Variants in AGPAT5 observed in about 807,000 individuals in gnomAD.
The protein encoded by AGPAT5 is 1-acylglycerol-3-phosphate O-acyltransferase 5.
Under a neutral mutation model 45.6 loss-of-function variants are expected in AGPAT5, and 46 were observed. The ratio of observed to expected loss-of-function variants is 1.01; its 90% CI spans 0.80 to 1.29. The LOEUF (loss-of-function observed/expected upper bound fraction) is 1.29, where lower values mean the gene tolerates loss of function less well. Among genes scored for constraint, AGPAT5 ranks in the 50% most tolerant of loss-of-function variants. AGPAT5 has a pLI of 0.00. For missense variants in AGPAT5, 673 were observed against 450.7 expected, an observed-to-expected ratio of 1.49 and a Z score of -4.47; for synonymous variants, 272 against 167.0, an observed-to-expected ratio of 1.63 and a Z score of -4.85.
At chr8:6,747,849 G>A in intron 6 of AGPAT5, 21 bp downstream of exon 6, 1 of 1,612,752 alleles carries the variant, frequency 6.2e-7, no homozygotes, top group Non-Finnish European at 8.5e-7. Context: ...TCACGCACCT[G>A]AAATGCCTGT....
At chr8:6,737,895 A>C (rs1018942251) in intron 4 of AGPAT5, among the ~76,000 whole-genome samples, 1 of 152,176 alleles carries the variant, frequency 6.6e-6, no homozygotes, top group African/African-American at 2.4e-5. Flanking sequence ...GCTAGCTTCT[A>C]AGTTTTTTCC....
At chr8:6,711,991 C>T (rs1241540189) in intron 1 of AGPAT5, among the ~76,000 whole-genome samples, 2 of 152,194 alleles carry the variant, frequency 1.3e-5, no homozygotes, top group African/African-American at 4.8e-5. Flanking sequence ...TTCACAGGTT[C>T]CAGGGCTTAG....
chr8:6,719,410 T>C (rs995445662), intron 1 of AGPAT5, among the ~76,000 whole-genome samples: 1 of 152,322 alleles, frequency 6.6e-6, no homozygotes, highest in Non-Finnish European at 1.5e-5. Flanking sequence ...ATTCAATATC[T>C]GATGAAAAGA....
chr8:6,726,891 G>A (rs1357250784), intron 2 of AGPAT5, among the ~76,000 whole-genome samples: 2 of 152,146 alleles, frequency 1.3e-5, no homozygotes, highest in African/African-American at 4.8e-5. Flanking sequence ...AATACTAGGG[G>A]AATGATTTTA....
At chr8:6,744,988 A>C (rs1587053256) in intron 5 of AGPAT5, among the ~76,000 whole-genome samples, 1 of 152,226 alleles carries the variant, frequency 6.6e-6, no homozygotes, top group African/African-American at 2.4e-5. Context: ...TGTGTGGAGC[A>C]GTTCTTTTAT....
intron 4 of AGPAT5, among the ~76,000 whole-genome samples, chr8:6,736,837 C>T (rs575038941): frequency 6.6e-6 from 1 of 152,236 alleles, no homozygotes; most frequent in Non-Finnish European, 1.5e-5. Context: ...GTGTTTCGTT[C>T]ACTTGTCTGA....
chr8:6,757,546 A>G lies in AGPAT5; in HGVS notation c.*158A>G, dbSNP rs73661471. 9.4e-3 allele frequency: 5,993 copies of G among 639,180 alleles called. 282 individuals are homozygous for G. In the African/African-American group the frequency reaches 0.099, roughly 11 times the overall value. The allele number at this position is 639,180 out of a possible 1,614,324, so 39.6% of individuals were successfully genotyped here. A position where few individuals can be genotyped will look rare whatever the true frequency, so the allele number is the denominator to read the frequency against. On this transcript the variant is annotated 3_prime_UTR_variant, in exon 8 of 8. Transcript: ENST00000285518. ...AATTTGTGACGAAAGCTGATATGCA[A>G]TGGTCTTGGGCAAACATACCTGGTT...
At chr8:6,749,922 C>T (rs946360088) in intron 6 of AGPAT5, among the ~76,000 whole-genome samples, 7 of 152,334 alleles carry the variant, frequency 4.6e-5, no homozygotes, top group South Asian at 2.1e-4. Flanking sequence ...GCGTTCCAGC[C>T]GTGATCTCTG....
At chr8:6,739,788 C>T (rs1422980538) in intron 4 of AGPAT5, among the ~76,000 whole-genome samples, 1 of 152,000 alleles carries the variant, frequency 6.6e-6, no homozygotes, top group Non-Finnish European at 1.5e-5. Context: ...CCTAGTACAG[C>T]CTTGACTAGA....
intron 5 of AGPAT5, among the ~76,000 whole-genome samples, chr8:6,742,621 A>G (rs1413778533): frequency 6.6e-6 from 1 of 152,224 alleles, no homozygotes; most frequent in African/African-American, 2.4e-5. Context: ...GGCTCCTACC[A>G]ATGTGGTTTT....
intron 4 of AGPAT5, among the ~76,000 whole-genome samples, chr8:6,739,140 A>G (rs1382426649): frequency 6.6e-6 from 1 of 151,700 alleles, no homozygotes; most frequent in African/African-American, 2.4e-5. Flanking sequence ...GTTCTGTTAT[A>G]TTGATCTATA....
At chr8:6,728,142 C>T (rs1238470559) in intron 2 of AGPAT5, among the ~76,000 whole-genome samples, 1 of 152,166 alleles carries the variant, frequency 6.6e-6, no homozygotes, top group East Asian at 1.9e-4. Context: ...AGACTTGCTG[C>T]CCCTCACTGC....
At chr8:6,720,059 C>A (rs1027607985) in intron 1 of AGPAT5, among the ~76,000 whole-genome samples, 1 of 152,196 alleles carries the variant, frequency 6.6e-6, no homozygotes, top group Non-Finnish European at 1.5e-5. Context: ...TTCTGGGGAA[C>A]TCATGCTTCT....
chr8:6,722,634 A>G (rs146949048), intron 1 of AGPAT5, among the ~76,000 whole-genome samples: 1 of 152,362 alleles, frequency 6.6e-6, no homozygotes, highest in East Asian at 1.9e-4. Context: ...GAGCAAGTTA[A>G]AAACAACACA....
intron 1 of AGPAT5, among the ~76,000 whole-genome samples, chr8:6,722,395 A>G (rs895385405): frequency 1.3e-5 from 2 of 152,218 alleles, no homozygotes; most frequent in South Asian, 2.1e-4. Context: ...AACAACAGCA[A>G]AAGTTTTTTT....
intron 1 of AGPAT5, among the ~76,000 whole-genome samples, chr8:6,719,694 A>G (rs897760424): frequency 2.6e-5 from 4 of 152,170 alleles, no homozygotes; most frequent in Non-Finnish European, 5.9e-5. Context: ...GCTAAGAAAA[A>G]CTGTTGGAAC....
At chr8:6,714,350 A>G (rs1445423421) in intron 1 of AGPAT5, among the ~76,000 whole-genome samples, 1 of 152,204 alleles carries the variant, frequency 6.6e-6, no homozygotes. Flanking sequence ...GAAATTAAAC[A>G]TTTCCCAATC....
In AGPAT5 at chr8:6,741,762, A is replaced by AT. The variant is rs780006107; in HGVS notation, c.586+14dup. 12 of 1,591,196 alleles carry AT rather than the reference A, an allele frequency of 7.5e-6. No individual in the cohort carries two copies. Among genetic ancestry groups the AT allele is most frequent in the Non-Finnish European group, 1.0e-5 (12 of 1,164,472 alleles). Reference sequence around the variant, plus strand: ...TTGCTGCCCAACGTGGTAAGTAAAAATTTGAGTGTTTGAACAAATAATTTT... The same window carrying AT: ...TTGCTGCCCAACGTGGTAAGTAAAAATTTTGAGTGTTTGAACAAATAATTTT... On this transcript the variant is annotated intron_variant, in intron 5 of 7. Transcript: ENST00000285518.
At chr8:6,740,065 C>T (rs904095884) in intron 4 of AGPAT5, among the ~76,000 whole-genome samples, 1 of 152,120 alleles carries the variant, frequency 6.6e-6, no homozygotes, top group African/African-American at 2.4e-5. Flanking sequence ...GTTCCTGGAA[C>T]ATAATAAGTA....
Sources: gnomAD v4.1 joint callset for allele counts (sites outside exome capture counted in the v4.1 genomes callset) on GRCh38, gnomAD v4.1.1 for gene constraint, MANE v1.5 for transcripts, NCBI Gene and HGNC (gene_info 2026-07-23, HGNC 2026-07-21) for gene names.